Variants in WDR7 observed in about 807,000 individuals in gnomAD.
WDR7 encodes the protein WD repeat-containing protein 7.
Under a neutral mutation model 169.4 loss-of-function variants are expected in WDR7, and 46 were observed. The ratio of observed to expected loss-of-function variants is 0.27; its 90% CI spans 0.21 to 0.35. The LOEUF (loss-of-function observed/expected upper bound fraction) is 0.35, where lower values mean the gene tolerates loss of function less well. WDR7 is among the 10% of genes least tolerant of loss of function. The pLI, the probability that WDR7 is intolerant of heterozygous loss-of-function variation, is 1.00. For synonymous variants in WDR7, 612 were observed against 666.8 expected (o/e 0.92, Z 1.27); for missense variants, 1,534 against 1,859.3 (o/e 0.83, Z 3.22).
At chr18:56,850,217 TA>T (rs2045621667) in intron 20 of WDR7, among the ~76,000 whole-genome samples, 1 of 152,268 alleles carries the variant, frequency 6.6e-6, no homozygotes, top group African/African-American at 2.4e-5. Context: ...AATTCAGTTT[TA>T]TTTTCCTTAT....
chr18:56,662,859 A>C (rs958736841), intron 1 of WDR7, among the ~76,000 whole-genome samples: 6 of 152,246 alleles, frequency 3.9e-5, no homozygotes, highest in Non-Finnish European at 5.9e-5. Flanking sequence ...GTATTAAAAA[A>C]AATAAGGTGG....
chr18:56,936,199 A>G (rs1273278349), intron 23 of WDR7: 5 of 321,636 alleles, frequency 1.6e-5, no homozygotes, highest in Non-Finnish European at 1.7e-5. Context: ...TGAAAACTCA[A>G]ATACATTAAA....
At chr18:56,719,137 T>C (rs2026259376) in intron 13 of WDR7, among the ~76,000 whole-genome samples, 1 of 152,256 alleles carries the variant, frequency 6.6e-6, no homozygotes, top group Non-Finnish European at 1.5e-5. Flanking sequence ...AAGAGATTCA[T>C]ACTTTTTGGT....
chr18:56,706,679 T>C (rs1021150379), intron 12 of WDR7, among the ~76,000 whole-genome samples: 1 of 152,004 alleles, frequency 6.6e-6, no homozygotes, highest in Non-Finnish European at 1.5e-5. Context: ...TTTAGAAAAA[T>C]TTTATTTTTA....
intron 27 of WDR7, among the ~76,000 whole-genome samples, chr18:57,026,154 A>G (rs1194571624): frequency 6.6e-6 from 1 of 152,240 alleles, no homozygotes; most frequent in Non-Finnish European, 1.5e-5. Context: ...GAAACAGTTC[A>G]CTTAGACAGC....
rs532672334 is a variant in WDR7, at chr18:56,968,297, A to G, written c.4164+5768A>G. Among the ~76,000 whole-genome samples the G allele has an allele frequency of 2.0e-5, 3 of 152,312 alleles. No individual in the cohort carries two copies. In the South Asian group the frequency reaches 6.2e-4, roughly 32 times the overall value. ...ACAATGCAATGCATGTTGTTCAACT[A>G]AAAAACTCTGAGGCTTTAGAATAAA... is the stretch of plus-strand genomic sequence containing the variant. On this transcript the variant is annotated intron_variant, in intron 26 of 27. Coordinates refer to ENST00000254442, the MANE Select transcript of WDR7 (RefSeq NM_015285.3).
chr18:57,011,539 G>A (rs1472502181), intron 26 of WDR7, among the ~76,000 whole-genome samples: 1 of 152,130 alleles, frequency 6.6e-6, no homozygotes, highest in Admixed American at 6.5e-5. Flanking sequence ...GATGGTGATA[G>A]AAAATAATTC....
chr18:56,904,304 A>G (rs1031974107), intron 21 of WDR7, among the ~76,000 whole-genome samples: 2 of 152,120 alleles, frequency 1.3e-5, no homozygotes, highest in African/African-American at 4.8e-5. Context: ...TCCTGACCTC[A>G]GGTGATCCGC....
chr18:56,920,254 A>G (rs1402344037), intron 21 of WDR7, among the ~76,000 whole-genome samples: 2 of 152,088 alleles, frequency 1.3e-5, no homozygotes, highest in African/African-American at 4.8e-5. Context: ...AGGTTGTGGC[A>G]TAAAGATCAC....
At position 56,709,381 on chromosome 18, in the gene WDR7, T is replaced by C. The variant is rs577214909; in HGVS notation, c.1579-8583T>C. 2.6e-5 allele frequency among the ~76,000 whole-genome samples: 4 copies of C among 152,252 alleles called. No homozygotes were observed. The South Asian group carries it at 8.3e-4, about 32-fold the overall frequency. On this transcript the variant is annotated intron_variant, in intron 12 of 27. Coordinates refer to ENST00000254442, the MANE Select transcript of WDR7 (RefSeq NM_015285.3). ...AGCAACACTTAACCCCTTCAGAAAA[T>C]AAATACAATTACATTCTAAAAGATA...
At chr18:56,763,116 C>T (rs1294276122) in intron 16 of WDR7, among the ~76,000 whole-genome samples, 3 of 151,822 alleles carry the variant, frequency 2.0e-5, no homozygotes, top group Admixed American at 6.6e-5. Context: ...GCCCGCACCA[C>T]GCCCAGCTAA....
intron 21 of WDR7, among the ~76,000 whole-genome samples, chr18:56,881,489 A>G (rs1372928829): frequency 6.6e-6 from 1 of 152,162 alleles, no homozygotes; most frequent in African/African-American, 2.4e-5. Context: ...TTTTGTTTCC[A>G]TCTAGTCTGT....
chr18:56,671,795 G>A (rs1458700731), intron 1 of WDR7, among the ~76,000 whole-genome samples: 1 of 152,164 alleles, frequency 6.6e-6, no homozygotes, highest in Non-Finnish European at 1.5e-5. Flanking sequence ...AATGATAATA[G>A]TGTTTACCTC....
At chr18:56,748,823 C>A (rs918217828) in intron 14 of WDR7, among the ~76,000 whole-genome samples, 1 of 152,042 alleles carries the variant, frequency 6.6e-6, no homozygotes, top group Non-Finnish European at 1.5e-5. Context: ...CTTGTATTAT[C>A]CTAACTCTTA....
At chr18:56,673,931 C>T in intron 2 of WDR7, among the ~76,000 whole-genome samples, 1 of 152,112 alleles carries the variant, frequency 6.6e-6, no homozygotes, top group East Asian at 1.9e-4. Flanking sequence ...TAAATGGAAT[C>T]ATATAACTAT....
intron 24 of WDR7, 139 bp from the exon 25 acceptor site, chr18:56,939,172 A>T (rs573080377): frequency 1.3e-5 from 7 of 549,656 alleles, no homozygotes; most frequent in Admixed American, 1.2e-4. Flanking sequence ...CATGGCTTAA[A>T]TTGCTTTTGT....
At chr18:56,866,151 G>C (rs1042322602) in intron 20 of WDR7, among the ~76,000 whole-genome samples, 1 of 152,050 alleles carries the variant, frequency 6.6e-6, no homozygotes, top group African/African-American at 2.4e-5. Context: ...CTTGTGGCTT[G>C]AACACTTCAC....
intron 19 of WDR7, among the ~76,000 whole-genome samples, chr18:56,786,390 A>G (rs960565335): frequency 3.3e-5 from 5 of 152,034 alleles, no homozygotes; most frequent in Non-Finnish European, 7.4e-5. Context: ...TTAGCCGGGC[A>G]TGGCTGCGTG....
At chr18:56,836,266 G>T (rs2045394733) in intron 20 of WDR7, among the ~76,000 whole-genome samples, 1 of 152,086 alleles carries the variant, frequency 6.6e-6, no homozygotes. Context: ...CTAAATTTTG[G>T]TGAAGAGTGA....
Sources: gnomAD v4.1 joint callset for allele counts (sites outside exome capture counted in the v4.1 genomes callset) on GRCh38, gnomAD v4.1.1 for gene constraint, MANE v1.5 for transcripts, NCBI Gene and HGNC (gene_info 2026-07-23, HGNC 2026-07-21) for gene names.